CDC42EP3: variants seen among roughly 807,000 people sequenced by gnomAD.
The protein encoded by CDC42EP3 is CDC42 effector protein (Rho GTPase binding) 3.
Under a neutral mutation model 15.5 loss-of-function variants are expected in CDC42EP3, and 4 were observed. The ratio of observed to expected loss-of-function variants is 0.26; its 90% CI spans 0.13 to 0.59. The LOEUF is 0.59. Among genes scored for constraint, CDC42EP3 ranks in the 20% least tolerant of loss-of-function variants. CDC42EP3 has a pLI of 0.89. For missense variants in CDC42EP3, 309 were observed against 311.2 expected, an observed-to-expected ratio of 0.99 and a Z score of 0.05; for synonymous variants, 145 against 130.3, an observed-to-expected ratio of 1.11 and a Z score of -0.77.
At chr2:37,650,296 TGCA>T (rs983738297) in intron 1 of CDC42EP3, among the ~76,000 whole-genome samples, 1 of 152,346 alleles carries the variant, frequency 6.6e-6, no homozygotes, top group East Asian at 1.9e-4. Context: ...GCTAAGTCCA[TGCA>T]GCTTGATCAG....
chr2:37,666,116 T>G (rs1666239900), intron 1 of CDC42EP3, among the ~76,000 whole-genome samples: 1 of 152,204 alleles, frequency 6.6e-6, no homozygotes, highest in Non-Finnish European at 1.5e-5. Context: ...CTGTAACGCC[T>G]GTGGTTCTCT....
At position 37,646,243 on chromosome 2, in the gene CDC42EP3, G is replaced by T; in HGVS notation, c.345C>A (p.Ser115=). 6.2e-7 allele frequency: 1 copy of T among 1,614,174 alleles called. No individual in the cohort carries two copies. Among genetic ancestry groups the T allele is most frequent in the Non-Finnish European group, 8.5e-7 (1 of 1,180,024 alleles). Reference sequence around the variant, plus strand: ...ACAATAAGGGCAACATGAGAGCTTGGGATCCTCCAATGGTCGGGAGGGAGA... The same window carrying T: ...ACAATAAGGGCAACATGAGAGCTTGTGATCCTCCAATGGTCGGGAGGGAGA... ...NAISLPTIGG[S]QALMLPLLSP... is the part of the protein sequence containing the mutation. Residue 115 remains serine (S), a synonymous_variant, in exon 2 of 2, where the codon TCC becomes TCA. Transcript: ENST00000295324.
At chr2:37,654,420 T>A (rs1029097071) in intron 1 of CDC42EP3, among the ~76,000 whole-genome samples, 3 of 152,052 alleles carry the variant, frequency 2.0e-5, no homozygotes, top group Non-Finnish European at 4.4e-5. Context: ...TTCATTTAAT[T>A]GTAATGAAAA....
At chr2:37,660,821 A>G (rs6544096) in intron 1 of CDC42EP3, among the ~76,000 whole-genome samples, 82,490 of 151,546 alleles carry the variant, frequency 0.54, 22,583 homozygotes, top group South Asian at 0.68. Context: ...ACCTCAAAGT[A>G]GCAGACCTGG....
chr2:37,658,946 G>C (rs1665966936), intron 1 of CDC42EP3, among the ~76,000 whole-genome samples: 1 of 152,122 alleles, frequency 6.6e-6, no homozygotes, highest in Non-Finnish European at 1.5e-5. Flanking sequence ...GGGTTTTAAG[G>C]CTACAGCTTG....
At chr2:37,653,678 T>G (rs1010695537) in intron 1 of CDC42EP3, among the ~76,000 whole-genome samples, 2 of 152,152 alleles carry the variant, frequency 1.3e-5, no homozygotes, top group African/African-American at 4.8e-5. Context: ...AGTTGGGATA[T>G]TTTTAAAATT....
At chr2:37,669,233 T>TAAAAAA (rs577020049) in intron 1 of CDC42EP3, among the ~76,000 whole-genome samples, 2 of 121,390 alleles carry the variant, frequency 1.6e-5, no homozygotes, top group African/African-American at 6.1e-5. Context: ...ATGGCCTGGC[T>TAAAAAA]AAAAAAAAAA....
intron 1 of CDC42EP3, among the ~76,000 whole-genome samples, chr2:37,663,357 A>G (rs533163181): frequency 6.6e-6 from 1 of 152,334 alleles, no homozygotes; most frequent in Admixed American, 6.5e-5. Context: ...TGACGCTAAT[A>G]TAACAAATAA....
intron 1 of CDC42EP3, among the ~76,000 whole-genome samples, chr2:37,658,253 T>C (rs1473871000): frequency 1.3e-5 from 2 of 152,126 alleles, no homozygotes; most frequent in African/African-American, 2.4e-5. Flanking sequence ...AGAACAGAAG[T>C]TGGAAGCAAG....
At chr2:37,666,068 T>C (rs1447662164) in intron 1 of CDC42EP3, among the ~76,000 whole-genome samples, 1 of 152,218 alleles carries the variant, frequency 6.6e-6, no homozygotes, top group Non-Finnish European at 1.5e-5. Flanking sequence ...TTATCAGCGT[T>C]TGCCAGGATC....
upstream of CDC42EP3, among the ~76,000 whole-genome samples, chr2:37,672,812 G>C (rs1020866914): frequency 2.6e-5 from 4 of 152,190 alleles, no homozygotes; most frequent in Non-Finnish European, 5.9e-5. Flanking sequence ...GCACAACGCG[G>C]AGAACCTCCC....
intron 1 of CDC42EP3, among the ~76,000 whole-genome samples, chr2:37,653,567 A>G (rs1444437568): frequency 2.0e-5 from 3 of 152,208 alleles, no homozygotes; most frequent in Non-Finnish European, 2.9e-5. Flanking sequence ...GGAGGAAGGG[A>G]AAATCAAGCG....
At chr2:37,650,350 C>G (rs913093610) in intron 1 of CDC42EP3, among the ~76,000 whole-genome samples, 2 of 152,316 alleles carry the variant, frequency 1.3e-5, no homozygotes, top group East Asian at 3.9e-4. Context: ...CTTTCAAAAT[C>G]TTTGCCAATT....
intron 1 of CDC42EP3, among the ~76,000 whole-genome samples, chr2:37,648,772 C>G (rs1276564975): frequency 6.6e-6 from 1 of 152,222 alleles, no homozygotes; most frequent in African/African-American, 2.4e-5. Context: ...GTTAAAACAT[C>G]AGAACTTCCT....
chr2:37,670,034 G>A (rs921236953), intron 1 of CDC42EP3, among the ~76,000 whole-genome samples: 56 of 152,230 alleles, frequency 3.7e-4, no homozygotes, highest in African/African-American at 1.3e-3. Flanking sequence ...TAGACTTCTG[G>A]AACTGTCCAG....
intron 1 of CDC42EP3, among the ~76,000 whole-genome samples, chr2:37,662,095 A>T (rs906584727): frequency 6.7e-6 from 1 of 149,638 alleles, no homozygotes; most frequent in Non-Finnish European, 1.5e-5. Context: ...AAAAAAAAAA[A>T]GTAATGTTTT....
At chr2:37,660,161 T>C (rs1666010858) in intron 1 of CDC42EP3, among the ~76,000 whole-genome samples, 1 of 152,036 alleles carries the variant, frequency 6.6e-6, no homozygotes, top group African/African-American at 2.4e-5. Flanking sequence ...AAATACAGAG[T>C]GGAGGGGAAA....
At chr2:37,652,200 A>AG (rs1491026030) in intron 1 of CDC42EP3, among the ~76,000 whole-genome samples, 10 of 146,650 alleles carry the variant, frequency 6.8e-5, no homozygotes, top group Admixed American at 1.4e-4. Flanking sequence ...AAAAAAAAAA[A>AG]AGAAAATAGA....
intron 1 of CDC42EP3, among the ~76,000 whole-genome samples, chr2:37,669,256 C>CAAAA: frequency 1.3e-5 from 1 of 78,070 alleles, no homozygotes; most frequent in Non-Finnish European, 3.0e-5. Flanking sequence ...AAAAAAAAAT[C>CAAAA]TTTGGGTGAT....
Sources: gnomAD v4.1 joint callset for allele counts (sites outside exome capture counted in the v4.1 genomes callset) on GRCh38, gnomAD v4.1.1 for gene constraint, MANE v1.5 for transcripts, NCBI Gene and HGNC (gene_info 2026-07-23, HGNC 2026-07-21) for gene names.